Variants in TXNDC17 observed in about 807,000 individuals in gnomAD.
TXNDC17 encodes the protein thioredoxin domain-containing protein 17.
In TXNDC17, 12 loss-of-function variants were observed where a neutral mutation model predicts 16.3. The observed-to-expected ratio is 0.74, with a 90% CI of 0.47 to 1.19. The LOEUF (loss-of-function observed/expected upper bound fraction) is 1.19. Among genes scored for constraint, TXNDC17 ranks in the 50% most tolerant of loss-of-function variants. The pLI is 0.00. For synonymous variants in TXNDC17, 62 were observed against 55.0 expected (o/e 1.13, Z -0.56); for missense variants, 158 against 149.7 (o/e 1.06, Z -0.29).
Position 6,644,518 on chromosome 17 carries a change from A to C in TXNDC17, c.*1499A>C. Reference sequence around the variant, plus strand: ...GTTGCTGCTCTGCCAAGGCTTGCTGAAGGCGCATCCGCTTCCGGGAATAGT... The same window carrying C: ...GTTGCTGCTCTGCCAAGGCTTGCTGCAGGCGCATCCGCTTCCGGGAATAGT... On this transcript the variant is annotated 3_prime_UTR_variant, in exon 4 of 4. Transcript: ENST00000250101. 1 of 1,610,374 alleles carries C rather than the reference A, an allele frequency of 6.2e-7. No homozygotes were observed. The highest frequency in any genetic ancestry group is 8.5e-7 in the Non-Finnish European group (1 of 1,179,080).
rs1972728055 is a variant in TXNDC17, at chr17:6,643,822, G to A, written c.*803G>A. On this transcript the variant is annotated 3_prime_UTR_variant, in exon 4 of 4. Transcript: ENST00000250101. ...TTCCCAAATGAACACAAGTATTTGA[G>A]GCTCCTCATGTTTGTTCTAAAGTCA... is the stretch of plus-strand genomic sequence containing the variant. 3.2e-6 allele frequency: 1 copy of A among 312,842 alleles called. No homozygotes were observed. Among genetic ancestry groups the A allele is most frequent in the African/African-American group, 2.1e-5 (1 of 46,738 alleles). 19.4% of individuals were successfully genotyped at this position (312,842 alleles called of 1,614,324 possible). A position where few individuals can be genotyped will look rare whatever the true frequency, so the allele number is the denominator to read the frequency against.
At chr17:6,642,581 C>G (rs1972704031) in intron 3 of TXNDC17, 6 of 463,064 alleles carry the variant, frequency 1.3e-5, no homozygotes. Flanking sequence ...ACATTTGCAT[C>G]AACAGTTGTT....
intron 3 of TXNDC17, 88 bp from the exon 4 acceptor site, chr17:6,642,863 A>G: frequency 3.2e-6 from 3 of 947,194 alleles, no homozygotes; most frequent in South Asian, 1.4e-5. Context: ...TCTGTGTTCA[A>G]AGATGAGTGT....
At position 6,643,727 on chromosome 17, in the gene TXNDC17, T is replaced by A. The variant is rs370448297; in HGVS notation, c.*708T>A. On this transcript the variant is annotated 3_prime_UTR_variant, in exon 4 of 4. Coordinates refer to ENST00000250101, the MANE Select transcript of TXNDC17 (RefSeq NM_032731.4). ...TCTTCTATAAACAAGGTTCTTAGAA[T>A]AAAATGAGAATTCAAGGAAGCACTT... 6.0e-6 allele frequency: 1 copy of A among 167,774 alleles called. No homozygotes were observed. The highest frequency in any genetic ancestry group is 1.6e-4 in the East Asian group (1 of 6,214). The allele number at this position is 167,774 out of a possible 1,614,324, so 10.4% of individuals were successfully genotyped here.
At position 6,642,304 on chromosome 17, in the gene TXNDC17, A is replaced by T. The variant is rs768316077; in HGVS notation, c.283A>T (p.Thr95Ser). ...RKNLKVTAVP[T>S]LLKYGTPQKL... ...AAACTTGAAAGTAACAGCAGTGCCT[A>T]CACTACTTAAGTATGGAACAGTAAG... The change falls in exon 3 of 4, where the codon ACA becomes TCA. Residue 95 changes from threonine (T) to serine (S), a missense_variant. Thr to Ser is a moderately conservative substitution (Grantham distance 58). Transcript: ENST00000250101. The T allele has an allele frequency of 5.6e-6, 9 of 1,609,684 alleles. No individual in the cohort carries two copies. The Admixed American group carries it at 1.5e-4, about 27-fold the overall frequency.
chr17:6,641,493 G>T, intron 1 of TXNDC17: 1 of 632,252 alleles, frequency 1.6e-6, no homozygotes, highest in Non-Finnish European at 2.7e-6. Context: ...CAGGATACGT[G>T]AGTTGGTCAG....
chr17:6,642,359 ACT>A (rs765143750), intron 3 of TXNDC17, 35 bp downstream of exon 3: 3 of 1,365,518 alleles, frequency 2.2e-6, no homozygotes, highest in Non-Finnish European at 3.1e-6. Context: ...CCTGTAATTC[ACT>A]GTCAGAACTC....
chr17:6,644,050 A>C lies in TXNDC17; in HGVS notation c.*1031A>C. 5.0e-6 allele frequency: 2 copies of C among 403,484 alleles called. No homozygotes were observed. Among genetic ancestry groups the C allele is most frequent in the Non-Finnish European group, 8.7e-6 (2 of 228,862 alleles). 25.0% of individuals were successfully genotyped at this position (403,484 alleles called of 1,614,324 possible). On this transcript the variant is annotated 3_prime_UTR_variant, in exon 4 of 4. Transcript: ENST00000250101. Reference sequence around the variant, plus strand: ...CTCCGCTACTCTCACTACATCTTAGAGTAGAGTGGTAGAGTAGTTGATCTG... The same window carrying C: ...CTCCGCTACTCTCACTACATCTTAGCGTAGAGTGGTAGAGTAGTTGATCTG...
Position 6,643,822 on chromosome 17 carries a change from G to T in TXNDC17, c.*803G>T, listed in dbSNP as rs1972728055. The T allele has an allele frequency of 3.2e-6, 1 of 312,842 alleles. No individual in the cohort carries two copies. Among genetic ancestry groups the T allele is most frequent in the South Asian group, 1.6e-4 (1 of 6,288 alleles). 19.4% of individuals were successfully genotyped at this position (312,842 alleles called of 1,614,324 possible). A position where few individuals can be genotyped will look rare whatever the true frequency, so the allele number is the denominator to read the frequency against. ...TTCCCAAATGAACACAAGTATTTGA[G>T]GCTCCTCATGTTTGTTCTAAAGTCA... On this transcript the variant is annotated 3_prime_UTR_variant, in exon 4 of 4. Transcript: ENST00000250101.
chr17:6,641,892 G>GA, intron 2 of TXNDC17, 58 bp downstream of exon 2: 1 of 1,508,192 alleles, frequency 6.6e-7, no homozygotes. Flanking sequence ...ACTTAGGCGG[G>GA]AAGGGCCTCA....
At position 6,642,307 on chromosome 17, in the gene TXNDC17, C is replaced by G; in HGVS notation, c.286C>G (p.Leu96Val). The G allele has an allele frequency of 6.2e-7, 1 of 1,608,396 alleles. No individual in the cohort carries two copies. Residue 96 changes from leucine to valine, a missense_variant, in exon 3 of 4, where the codon CTA (leucine) becomes GTA (valine). By Grantham distance (32) the Leu-to-Val change is conservative (BLOSUM62 1). Transcript: ENST00000250101. ...KNLKVTAVPT[L>V]LKYGTPQKLV... ...CTTGAAAGTAACAGCAGTGCCTACA[C>G]TACTTAAGTATGGAACAGTAAGTAT... is the stretch of plus-strand genomic sequence containing the variant.
At position 6,643,142 on chromosome 17, in the gene TXNDC17, A is replaced by G. The variant is rs1972717294; in HGVS notation, c.*123A>G. On this transcript the variant is annotated 3_prime_UTR_variant, in exon 4 of 4. Transcript: ENST00000250101. ...AAAAAAACTGGCATGTGTCTAAACA[A>G]TAGAGTGCTATTAAAATGCCCATGA... 1 of 761,618 alleles carries G rather than the reference A, an allele frequency of 1.3e-6. No homozygotes were observed. The highest frequency in any genetic ancestry group is 2.7e-5 in the East Asian group (1 of 37,240). 47.2% of individuals were successfully genotyped at this position (761,618 alleles called of 1,614,324 possible). A position where few individuals can be genotyped will look rare whatever the true frequency, so the allele number is the denominator to read the frequency against.
At chr17:6,641,312 A>G (rs1972658197) in intron 1 of TXNDC17, 85 bp downstream of exon 1, 3 of 1,569,046 alleles carry the variant, frequency 1.9e-6, no homozygotes, top group African/African-American at 1.3e-5. Flanking sequence ...TAGCGGAGGC[A>G]GAGTCTTGGT....
chr17:6,642,366 G>A (rs1007623682), intron 3 of TXNDC17, 42 bp downstream of exon 3: 13 of 1,350,228 alleles, frequency 9.6e-6, no homozygotes, highest in Admixed American at 4.1e-5. Flanking sequence ...TTCACTGTCA[G>A]AACTCTTTTA....
At chr17:6,642,047 C>G in intron 2 of TXNDC17, 2 of 657,068 alleles carry the variant, frequency 3.0e-6, no homozygotes, top group Non-Finnish European at 5.3e-6. Flanking sequence ...CAGAACTTAG[C>G]TGGCTTTACT....
chr17:6,642,211 G>A (rs1308967637), intron 2 of TXNDC17, 38 bp from the exon 3 acceptor site: 3 of 1,440,936 alleles, frequency 2.1e-6, no homozygotes, highest in Non-Finnish European at 2.9e-6. Flanking sequence ...AATAAACCAA[G>A]TAAATTTTTT....
chr17:6,644,273 G>A lies in TXNDC17; in HGVS notation c.*1254G>A. The A allele has an allele frequency of 1.7e-6, 1 of 592,248 alleles. No homozygotes were observed. The highest frequency in any genetic ancestry group is 2.6e-6 in the Non-Finnish European group (1 of 378,128). 36.7% of individuals were successfully genotyped at this position (592,248 alleles called of 1,614,324 possible). ...AGAAAAACACCTTACAAATCCACAG[G>A]GAAATCAAAGAACAATTCAGGTTTA... On this transcript the variant is annotated 3_prime_UTR_variant, in exon 4 of 4. Transcript: ENST00000250101.
chr17:6,642,946 T>TA lies in TXNDC17; in HGVS notation c.304-4dup. 6.2e-7 allele frequency: 1 copy of TA among 1,612,274 alleles called. No individual in the cohort carries two copies. Among genetic ancestry groups the TA allele is most frequent in the Non-Finnish European group, 8.5e-7 (1 of 1,178,480 alleles). Reference sequence around the variant, plus strand: ...AGTGAAGATTTGACTGTTTTTCTCTTACAGCCTCAAAAACTGGTAGAATCT... The same window carrying TA: ...AGTGAAGATTTGACTGTTTTTCTCTTAACAGCCTCAAAAACTGGTAGAATCT... On this transcript the variant is annotated splice_region_variant and splice_polypyrimidine_tract_variant and intron_variant, in intron 3 of 3. Coordinates refer to ENST00000250101, the MANE Select transcript of TXNDC17 (RefSeq NM_032731.4).
At chr17:6,642,028 G>T in intron 2 of TXNDC17, 194 bp downstream of exon 2, 1 of 677,274 alleles carries the variant, frequency 1.5e-6, no homozygotes, top group Non-Finnish European at 2.6e-6. Context: ...ATTTGGTCTG[G>T]TGTAAGCCCA....
Sources: allele counts gnomAD v4.1 joint callset, GRCh38; gene constraint gnomAD v4.1.1; transcripts MANE v1.5; gene names NCBI Gene and HGNC (gene_info 2026-07-23, HGNC 2026-07-21).